Variants in TERF2 observed in about 807,000 individuals in gnomAD.
TERF2 encodes the protein telomeric repeat binding factor 2, also known as telomeric repeat-binding factor 2.
A neutral mutation model predicts 56.1 loss-of-function variants in TERF2; 16 were observed. The observed-to-expected ratio is 0.29, with a 90% CI of 0.19 to 0.43. The LOEUF (loss-of-function observed/expected upper bound fraction) is 0.43. Among genes scored for constraint, TERF2 ranks in the 20% least tolerant of loss-of-function variants. The probability of loss-of-function intolerance (pLI) is 1.00; values close to 1 mark genes in which losing one functional copy is unlikely to be tolerated. For missense variants in TERF2, 547 were observed against 712.9 expected, an observed-to-expected ratio of 0.77 and a Z score of 2.65; for synonymous variants, 296 against 282.1, an observed-to-expected ratio of 1.05 and a Z score of -0.50.
intron 2 of TERF2, 108 bp downstream of exon 2, chr16:69,385,283 T>C: frequency 1.1e-6 from 1 of 949,060 alleles, no homozygotes; most frequent in Non-Finnish European, 1.6e-6. Flanking sequence ...AAGACCACTC[T>C]GATGGAAACT....
At position 69,367,132 on chromosome 16, in the gene TERF2, C is replaced by T; in HGVS notation, c.1015G>A (p.Gly339Ser). ...TLKAAFKTLS[G>S]AQDSEAAFAK... ...AAGGCTGCCTCAGAATCCTGTGCAC[C>T]AGACAGAGTCTTGAAAGCTGCTTTC... Residue 339 changes from glycine to serine, a missense_variant, in exon 7 of 10, where the codon GGT becomes AGT. Gly to Ser is a moderately conservative substitution (Grantham distance 56, BLOSUM62 0). Coordinates refer to ENST00000254942, the MANE Select transcript of TERF2 (RefSeq NM_005652.5). The T allele has an allele frequency of 1.2e-6, 2 of 1,614,170 alleles. No homozygotes were observed. Among genetic ancestry groups the T allele is most frequent in the African/African-American group, 2.7e-5 (2 of 75,044 alleles).
At chr16:69,376,878 A>C (rs1427603549) in intron 3 of TERF2, among the ~76,000 whole-genome samples, 1 of 150,780 alleles carries the variant, frequency 6.6e-6, no homozygotes, top group East Asian at 1.9e-4. Flanking sequence ...AAAAAAAAAA[A>C]AACTGAGAAA....
At chr16:69,370,698 T>A in intron 4 of TERF2, 69 bp from the exon 5 acceptor site, 1 of 1,472,510 alleles carries the variant, frequency 6.8e-7, no homozygotes, top group Non-Finnish European at 9.2e-7. Flanking sequence ...GATGATGAGG[T>A]GAGACAGACA....
At chr16:69,371,980 T>C (rs188416179) in intron 4 of TERF2, among the ~76,000 whole-genome samples, 20 of 152,308 alleles carry the variant, frequency 1.3e-4, no homozygotes, top group Admixed American at 1.2e-3. Flanking sequence ...AGTGTTACAT[T>C]TGTCAGCTCC....
chr16:69,373,276 G>A (rs1400785100), intron 3 of TERF2, among the ~76,000 whole-genome samples: 1 of 152,020 alleles, frequency 6.6e-6, no homozygotes, highest in African/African-American at 2.4e-5. Context: ...AAAGTTCCAG[G>A]TAAGATAAGG....
intron 3 of TERF2, among the ~76,000 whole-genome samples, chr16:69,375,616 T>G (rs528392109): frequency 3.0e-4 from 45 of 151,642 alleles, no homozygotes; most frequent in Middle Eastern, 3.4e-3. Flanking sequence ...ATAGTTAGGG[T>G]TTTTTTTTAA....
chr16:69,366,200 C>T (rs1397814463), intron 7 of TERF2: 1 of 152,302 alleles, frequency 6.6e-6, no homozygotes, highest in Non-Finnish European at 1.5e-5. Flanking sequence ...GTGGTAGAAA[C>T]AAACAACATG....
At chr16:69,381,789 C>T (rs1284733932) in intron 3 of TERF2, among the ~76,000 whole-genome samples, 1 of 152,148 alleles carries the variant, frequency 6.6e-6, no homozygotes, top group Non-Finnish European at 1.5e-5. Flanking sequence ...CCCATACTTT[C>T]TATTTCAACA....
At chr16:69,364,021 A>G (rs915377787) in intron 7 of TERF2, among the ~76,000 whole-genome samples, 2 of 152,144 alleles carry the variant, frequency 1.3e-5, no homozygotes, top group Non-Finnish European at 2.9e-5. Context: ...AAGAATATGG[A>G]ACAGACAGAC....
intron 3 of TERF2, among the ~76,000 whole-genome samples, chr16:69,374,299 C>T (rs887700226): frequency 1.3e-5 from 2 of 152,030 alleles, no homozygotes; most frequent in African/African-American, 2.4e-5. Context: ...AATGAGGATC[C>T]AAAACCCTGC....
At chr16:69,376,052 A>C (rs963714427) in intron 3 of TERF2, among the ~76,000 whole-genome samples, 7 of 152,166 alleles carry the variant, frequency 4.6e-5, no homozygotes, top group Non-Finnish European at 7.4e-5. Context: ...TCAGAGCAAA[A>C]GTTTAAAATT....
chr16:69,378,962 A>G, intron 3 of TERF2, among the ~76,000 whole-genome samples: 1 of 146,854 alleles, frequency 6.8e-6, no homozygotes. Flanking sequence ...GGGGGGGGGA[A>G]ATTAAAAAGA....
chr16:69,356,446 T>C lies in TERF2; in HGVS notation c.*452A>G, dbSNP rs1387796445. 7.4e-6 allele frequency: 2 copies of C among 270,390 alleles called. No individual in the cohort carries two copies. Among genetic ancestry groups the C allele is most frequent in the Non-Finnish European group, 1.5e-5 (2 of 136,818 alleles). 16.7% of individuals were successfully genotyped at this position (270,390 alleles called of 1,614,324 possible). ...ATCTCCAACAGTGATGAAGTGGAAA[T>C]GGGACCTCCCCCACGTCGAAGGAGG... On this transcript the variant is annotated 3_prime_UTR_variant, in exon 10 of 10. Transcript: ENST00000254942.
At chr16:69,368,577 G>A (rs1210881705) in intron 5 of TERF2, 95 bp from the exon 6 acceptor site, 2 of 1,563,924 alleles carry the variant, frequency 1.3e-6, no homozygotes, top group African/African-American at 2.7e-5. Flanking sequence ...ATGCAAACAA[G>A]TTCACTTACA....
chr16:69,357,419 T>C (rs2012944486), intron 9 of TERF2, 99 bp downstream of exon 9: 4 of 982,444 alleles, frequency 4.1e-6, no homozygotes, highest in Admixed American at 2.5e-5. Context: ...AAAAGGTTTT[T>C]ACTGGGTACA....
chr16:69,366,849 G>A lies in TERF2; in HGVS notation c.1298C>T (p.Pro433Leu). 6.2e-7 allele frequency: 1 copy of A among 1,614,062 alleles called. No individual in the cohort carries two copies. The highest frequency in any genetic ancestry group is 8.5e-7 in the Non-Finnish European group (1 of 1,180,024). Residue 433 changes from proline to leucine, a missense_variant, in exon 7 of 10, where the codon CCC becomes CTC. Physicochemically the swap from Pro to Leu is moderately conservative, Grantham distance 98. Transcript: ENST00000254942. ...AGGGAGGGGTTGGTTGAGAACGGTG[G>A]GCTTGGATGGTGGCGCTGAAGCGGC... ...QEAASAPPSKPTVLNQPLPGE... is the reference protein window; with the variant it reads ...QEAASAPPSKLTVLNQPLPGE...
At chr16:69,361,552 T>C (rs1422520521) in intron 7 of TERF2, 63 bp from the exon 8 acceptor site, 2 of 1,204,588 alleles carry the variant, frequency 1.7e-6, no homozygotes, top group South Asian at 1.2e-5. Flanking sequence ...TCCCAGATTC[T>C]GGTCTTGGCT....
chr16:69,361,602 AC>A, intron 7 of TERF2, 113 bp from the exon 8 acceptor site: 1 of 777,228 alleles, frequency 1.3e-6, no homozygotes. Context: ...CGTTGTGACC[AC>A]AATCGAGGTT....
intron 1 of TERF2, 50 bp downstream of exon 1, chr16:69,385,543 G>A (rs2014165077): frequency 7.8e-7 from 1 of 1,280,006 alleles, no homozygotes; most frequent in Non-Finnish European, 1.1e-6. Context: ...CCGGTCCCCC[G>A]GACCCCCTTC....
Sources: allele counts gnomAD v4.1 joint callset (sites outside exome capture counted in the v4.1 genomes callset), GRCh38; gene constraint gnomAD v4.1.1; transcripts MANE v1.5; gene names NCBI Gene and HGNC (gene_info 2026-07-23, HGNC 2026-07-21).